The following SDK1 variants were observed in gnomAD, a reference collection of about 807,000 sequenced individuals.
The protein encoded by SDK1 is sidekick cell adhesion molecule 1.
SDK1 carries 157 observed loss-of-function variants against 245.5 expected under a neutral mutation model. The ratio of observed to expected loss-of-function variants is 0.64; its 90% confidence interval spans 0.56 to 0.73. The LOEUF is 0.73. SDK1 is among the 30% of genes least tolerant of loss of function. The pLI is 0.00. For missense variants in SDK1, 3,583 were observed against 3,002.3 expected, an observed-to-expected ratio of 1.19 and a Z score of -4.52; for synonymous variants, 1,647 against 1,278.5, an observed-to-expected ratio of 1.29 and a Z score of -6.15.
intron 4 of SDK1, among the ~76,000 whole-genome samples, chr7:3,755,565 A>G (rs1428469180): frequency 6.6e-6 from 1 of 152,102 alleles, no homozygotes; most frequent in South Asian, 2.1e-4. Flanking sequence ...ACCCCACACT[A>G]TTCACTCTTT....
At chr7:3,794,573 A>G (rs1778916326) in intron 4 of SDK1, among the ~76,000 whole-genome samples, 1 of 152,118 alleles carries the variant, frequency 6.6e-6, no homozygotes. Context: ...TGGCTTTGTA[A>G]GAAGAGGAAG....
At chr7:3,661,839 T>C (rs1452202680) in intron 4 of SDK1, among the ~76,000 whole-genome samples, 1 of 152,130 alleles carries the variant, frequency 6.6e-6, no homozygotes, top group African/African-American at 2.4e-5. Flanking sequence ...CACACTTTCC[T>C]GTTGTGTAAA....
rs200328886 is a variant in SDK1 at position 4,049,361 on chromosome 7, C to G, written c.2616C>G (p.Pro872=). 2 of 1,614,014 alleles carry G rather than the reference C, an allele frequency of 1.2e-6. No individual in the cohort carries two copies. The highest frequency in any genetic ancestry group is 3.3e-5 in the Admixed American group (2 of 60,026). ...GCCCTGCCACAGTGCCCACCGCGCC[C>G]CCGCAGAACGTGCAGACGGAAGCCG... ...EYTLQGVPTA[P]PQNVQTEAVN... Residue 872 remains proline, a synonymous_variant, in exon 18 of 45, where the codon CCC becomes CCG. Transcript: ENST00000404826.
At chr7:3,554,590 A>C (rs574725094) in intron 1 of SDK1, among the ~76,000 whole-genome samples, 92 of 152,332 alleles carry the variant, frequency 6.0e-4, no homozygotes, top group African/African-American at 2.1e-3. Flanking sequence ...TCTTCATAAG[A>C]ACCAAGAATC....
chr7:3,808,850 G>GA (rs376183876), intron 4 of SDK1, among the ~76,000 whole-genome samples: 65 of 151,192 alleles, frequency 4.3e-4, no homozygotes, highest in Admixed American at 1.3e-3. Flanking sequence ...CGTTCAGAAA[G>GA]AAAAAAAAAT....
chr7:3,843,192 A>G (rs891616121), intron 5 of SDK1, among the ~76,000 whole-genome samples: 5 of 152,200 alleles, frequency 3.3e-5, no homozygotes, highest in Non-Finnish European at 1.5e-5. Flanking sequence ...CTGTAGCATG[A>G]AGCCTCGTGG....
intron 5 of SDK1, among the ~76,000 whole-genome samples, chr7:3,885,685 T>C (rs760060697): frequency 4.6e-5 from 7 of 152,118 alleles, no homozygotes; most frequent in Non-Finnish European, 1.0e-4. Context: ...AATAAATAGG[T>C]TAGATGTTGC....
chr7:3,807,085 T>TATAAAGCCTTACC (rs1384600763), intron 4 of SDK1, among the ~76,000 whole-genome samples: 18 of 152,300 alleles, frequency 1.2e-4, no homozygotes, highest in African/African-American at 4.3e-4. Context: ...AAAAGGAATT[T>TATAAAGCCTTACC]ATAAAGCCTT....
intron 4 of SDK1, among the ~76,000 whole-genome samples, chr7:3,659,592 T>C (rs1365717263): frequency 6.6e-6 from 1 of 152,142 alleles, no homozygotes; most frequent in Non-Finnish European, 1.5e-5. Context: ...CGGCAGGGAC[T>C]AGATTGTGCT....
chr7:3,938,645 C>CAAAAAAAA (rs559065786), intron 5 of SDK1, among the ~76,000 whole-genome samples: 12 of 90,594 alleles, frequency 1.3e-4, no homozygotes, highest in African/African-American at 5.9e-4. Flanking sequence ...GACTCCGTCT[C>CAAAAAAAA]AAAAAAAAAA....
intron 5 of SDK1, among the ~76,000 whole-genome samples, chr7:3,824,942 C>T (rs377119355): frequency 3.2e-4 from 48 of 152,240 alleles, no homozygotes; most frequent in Middle Eastern, 6.8e-3. Flanking sequence ...AACCGATATT[C>T]CTGTAGGGAA....
chr7:4,168,334 C>A (rs911393604), intron 32 of SDK1, among the ~76,000 whole-genome samples: 1 of 152,216 alleles, frequency 6.6e-6, no homozygotes, highest in Non-Finnish European at 1.5e-5. Context: ...GGCCCCAGCC[C>A]GGTGGCTGAC....
intron 2 of SDK1, among the ~76,000 whole-genome samples, chr7:3,636,304 A>G (rs570317583): frequency 6.6e-6 from 1 of 152,304 alleles, no homozygotes; most frequent in African/African-American, 2.4e-5. Context: ...GCTGCACAGA[A>G]GCTCTGCAGG....
chr7:3,319,809 T>C (rs1393496184), intron 1 of SDK1, among the ~76,000 whole-genome samples: 2 of 150,606 alleles, frequency 1.3e-5, no homozygotes, highest in Admixed American at 1.3e-4. Flanking sequence ...ACTTTAGTTA[T>C]ACTGTTTCTA....
chr7:3,828,999 A>G (rs1484362505), intron 5 of SDK1, among the ~76,000 whole-genome samples: 2 of 152,274 alleles, frequency 1.3e-5, no homozygotes, highest in African/African-American at 2.4e-5. Flanking sequence ...AGGCTGTGAT[A>G]TGATTAATAC....
In SDK1 at chr7:3,735,756, C is replaced by G. The variant is rs187884340; in HGVS notation, c.714-85694C>G. ...ACCTCCATACTGTTTTCCGTAGTGGCTGCACCATTTTACATTTTACTTTCC... is the reference window on the plus strand; with the variant it reads ...ACCTCCATACTGTTTTCCGTAGTGGGTGCACCATTTTACATTTTACTTTCC... On this transcript the variant is annotated intron_variant, in intron 4 of 44. Transcript: ENST00000404826. 2.8e-3 allele frequency among the ~76,000 whole-genome samples: 428 copies of G among 152,292 alleles called. 3 individuals carry two copies. Among genetic ancestry groups the G allele is most frequent in the South Asian group, 0.016 (75 of 4,828 alleles).
intron 1 of SDK1, among the ~76,000 whole-genome samples, chr7:3,418,391 T>G (rs904216753): frequency 6.6e-6 from 1 of 152,138 alleles, no homozygotes; most frequent in South Asian, 2.1e-4. Flanking sequence ...GAATATTCAC[T>G]TCACTGCAAA....
At position 4,061,530 on chromosome 7, in the gene SDK1, G is replaced by T. The variant is rs562455729; in HGVS notation, c.2912-6308G>T. Among the ~76,000 whole-genome samples, 14 of 152,188 alleles carry T rather than the reference G, an allele frequency of 9.2e-5. 1 individual carries two copies. Among genetic ancestry groups the T allele is most frequent in the African/African-American group, 3.4e-4 (14 of 41,504 alleles). The stretch of plus-strand genomic sequence containing the variant: ...GAAATAGGAACACTTTTACATTGTT[G>T]GTGGGACTGTAAACTAGTTCAACCA... On this transcript the variant is annotated intron_variant, in intron 19 of 44. Coordinates refer to ENST00000404826, the MANE Select transcript of SDK1 (RefSeq NM_152744.4).
At chr7:3,780,541 A>T (rs1425688703) in intron 4 of SDK1, among the ~76,000 whole-genome samples, 1 of 152,216 alleles carries the variant, frequency 6.6e-6, no homozygotes, top group Non-Finnish European at 1.5e-5. Context: ...TTAACGTGGT[A>T]GGAATTTCTA....
Sources: gnomAD v4.1 joint callset for allele counts (sites outside exome capture counted in the v4.1 genomes callset) on GRCh38, gnomAD v4.1.1 for gene constraint, MANE v1.5 for transcripts, NCBI Gene and HGNC (gene_info 2026-07-23, HGNC 2026-07-21) for gene names.